Variants in AKR1C8 observed in about 807,000 individuals in gnomAD.
AKR1C8 encodes the protein aldo-keto reductase family 1 member C8, also known as aldo-keto reductase family 1 member C-like protein 1.
At chr10:5,184,009 ACTTTC>A in the AKR1C8 span, among the ~76,000 whole-genome samples, 1 of 152,134 alleles carries the variant, frequency 6.6e-6, no homozygotes, top group South Asian at 2.1e-4. Flanking sequence ...TCTGGTGGGC[ACTTTC>A]CTTTCCTTTT....
the AKR1C8 span, among the ~76,000 whole-genome samples, chr10:5,135,970 T>C: frequency 1.3e-5 from 2 of 152,080 alleles, no homozygotes; most frequent in African/African-American, 4.8e-5. Context: ...AAAAAGAAAA[T>C]GCAGAAATTA....
chr10:5,141,451 G>A, the AKR1C8 span, among the ~76,000 whole-genome samples: 1 of 152,042 alleles, frequency 6.6e-6, no homozygotes, highest in African/African-American at 2.4e-5. Context: ...TTTCATGATG[G>A]CATTCAGAAT....
At chr10:5,182,138 ATATT>A in the AKR1C8 span, among the ~76,000 whole-genome samples, 2 of 152,292 alleles carry the variant, frequency 1.3e-5, no homozygotes, top group East Asian at 1.9e-4. Context: ...AATTTAAAAC[ATATT>A]TATTTATCTC....
chr10:5,185,125 C>T, the AKR1C8 span: 8 of 534,432 alleles, frequency 1.5e-5, no homozygotes, highest in Non-Finnish European at 3.1e-5. Flanking sequence ...CCTGTCTTTC[C>T]TCCTTTTCCT....
the AKR1C8 span, among the ~76,000 whole-genome samples, chr10:5,138,443 T>C: frequency 2.6e-5 from 4 of 152,098 alleles, no homozygotes; most frequent in Non-Finnish European, 5.9e-5. Context: ...GACCTTATGG[T>C]TGTCTTCCCT....
chr10:5,159,967 G>A, the AKR1C8 span: 8 of 370,660 alleles, frequency 2.2e-5, 1 homozygote, highest in Admixed American at 2.3e-4. Context: ...ACACCCCAAT[G>A]GACCTGGTTA....
the AKR1C8 span, among the ~76,000 whole-genome samples, chr10:5,166,863 G>C: frequency 1.3e-5 from 2 of 152,090 alleles, no homozygotes; most frequent in Admixed American, 1.3e-4. Flanking sequence ...CCTAGAGAAT[G>C]GGAGAAAATT....
At chr10:5,145,395 C>T in the AKR1C8 span, among the ~76,000 whole-genome samples, 3 of 152,088 alleles carry the variant, frequency 2.0e-5, no homozygotes, top group Non-Finnish European at 2.9e-5. Context: ...AAACTACCAT[C>T]AGAGTGAACA....
the AKR1C8 span, among the ~76,000 whole-genome samples, chr10:5,117,360 T>C: frequency 5.9e-5 from 9 of 152,092 alleles, no homozygotes; most frequent in Non-Finnish European, 1.3e-4. Flanking sequence ...AGATACTGGT[T>C]CATGGAGATA....
At chr10:5,180,247 C>G in the AKR1C8 span, among the ~76,000 whole-genome samples, 1 of 152,166 alleles carries the variant, frequency 6.6e-6, no homozygotes, top group African/African-American at 2.4e-5. Context: ...CACTCCAGAC[C>G]CTGTTTGTCT....
At chr10:5,122,702 G>A in the AKR1C8 span, among the ~76,000 whole-genome samples, 85 of 152,220 alleles carry the variant, frequency 5.6e-4, no homozygotes, top group African/African-American at 1.7e-3. Context: ...TTTTTATAAC[G>A]ACAAGCAAAC....
chr10:5,183,311 AAAG>A, the AKR1C8 span, among the ~76,000 whole-genome samples: 1 of 152,218 alleles, frequency 6.6e-6, no homozygotes, highest in Admixed American at 6.5e-5. Flanking sequence ...TTATTTGAGA[AAAG>A]AAGACCAAAA....
At chr10:5,148,218 G>A in the AKR1C8 span, among the ~76,000 whole-genome samples, 8 of 152,142 alleles carry the variant, frequency 5.3e-5, no homozygotes, top group African/African-American at 1.9e-4. Context: ...ATAGGAGATA[G>A]AGAGGAGGAG....
the AKR1C8 span, among the ~76,000 whole-genome samples, chr10:5,175,004 C>A: frequency 6.6e-6 from 1 of 151,926 alleles, no homozygotes; most frequent in African/African-American, 2.4e-5. Flanking sequence ...TTTTAGGGTA[C>A]AAGTGCACAA....
At chr10:5,121,823 A>G in the AKR1C8 span, among the ~76,000 whole-genome samples, 1 of 152,150 alleles carries the variant, frequency 6.6e-6, no homozygotes, top group Non-Finnish European at 1.5e-5. Flanking sequence ...TCCAAAGCGT[A>G]GGACCCAGGC....
chr10:5,149,395 T>C, the AKR1C8 span, among the ~76,000 whole-genome samples: 1 of 152,168 alleles, frequency 6.6e-6, no homozygotes, highest in Non-Finnish European at 1.5e-5. Context: ...ATAATTATTG[T>C]TCAATAGGCT....
At chr10:5,124,723 G>A in the AKR1C8 span, among the ~76,000 whole-genome samples, 1 of 152,018 alleles carries the variant, frequency 6.6e-6, no homozygotes, top group South Asian at 2.1e-4. Context: ...TTTACCTCTT[G>A]ATAATTATCA....
chr10:5,168,096 C>T, the AKR1C8 span, among the ~76,000 whole-genome samples: 4 of 152,016 alleles, frequency 2.6e-5, no homozygotes, highest in East Asian at 7.8e-4. Context: ...CAGGCCTAGA[C>T]TCCTGAGAAA....
chr10:5,138,007 A>G, the AKR1C8 span, among the ~76,000 whole-genome samples: 96 of 152,126 alleles, frequency 6.3e-4, 1 homozygote, highest in South Asian at 0.02. Context: ...AGAACTACTG[A>G]TAAGGGTCCA....
Sources: allele counts gnomAD v4.1 joint callset (sites outside exome capture counted in the v4.1 genomes callset), GRCh38; gene constraint gnomAD v4.1.1; transcripts MANE v1.5; gene names NCBI Gene and HGNC (gene_info 2026-07-23, HGNC 2026-07-21).